The following ZNF608 variants were observed in gnomAD, a reference collection of about 807,000 sequenced individuals.
ZNF608 encodes the protein renal carcinoma antigen NY-REN-36.
ZNF608 carries 12 observed loss-of-function variants against 109.0 expected under a neutral mutation model. The observed-to-expected ratio is 0.11, with a 90% CI of 0.07 to 0.18. ZNF608 has a LOEUF of 0.18. Ranked by LOEUF, ZNF608 falls within the 10% of genes least tolerant of loss-of-function variation. The pLI is 1.00. For missense variants in ZNF608, 1,707 were observed against 1,879.3 expected (o/e 0.91, Z 1.70); for synonymous variants, 732 against 717.4 (o/e 1.02, Z -0.33).
chr5:124,661,969 C>G (rs775999232), intron 3 of ZNF608, among the ~76,000 whole-genome samples: 1 of 152,154 alleles, frequency 6.6e-6, no homozygotes, highest in Non-Finnish European at 1.5e-5. Context: ...GTAAACCAAC[C>G]CTCCCCATGG....
At chr5:124,715,062 C>T (rs191554803) in intron 2 of ZNF608, among the ~76,000 whole-genome samples, 35 of 152,240 alleles carry the variant, frequency 2.3e-4, no homozygotes, top group Middle Eastern at 3.4e-3. Flanking sequence ...CTTGCTTCAG[C>T]TATTTCATAG....
intron 4 of ZNF608, 84 bp from the exon 5 acceptor site, chr5:124,649,217 G>C (rs1750677706): frequency 8.8e-7 from 1 of 1,141,204 alleles, no homozygotes; most frequent in Non-Finnish European, 1.2e-6. Flanking sequence ...CAGTAAAGAG[G>C]AGTCAACACT....
At chr5:124,712,083 G>C (rs1753515271) in intron 2 of ZNF608, among the ~76,000 whole-genome samples, 1 of 152,218 alleles carries the variant, frequency 6.6e-6, no homozygotes, top group South Asian at 2.1e-4. Context: ...GGAGGCAGAG[G>C]TTGCAGTGAG....
Position 124,646,848 on chromosome 5 carries a change from T to C in ZNF608, c.3536A>G (p.Glu1179Gly). 1.2e-6 allele frequency: 2 copies of C among 1,614,254 alleles called. No homozygotes were observed. The highest frequency in any genetic ancestry group is 1.7e-6 in the Non-Finnish European group (2 of 1,180,046). ...GGAGAGAAGCTGCGATTTACCTGTC[T>C]CCTCAGTTTTATTAGGCACTGATGG... ...LGPSVPNKTE[E>G]TGKSQLLSNH... Residue 1179 changes from glutamate to glycine, a missense_variant, in exon 5 of 10, where the codon GAG (glutamate) becomes GGG (glycine). By Grantham distance (98) the Glu-to-Gly change is moderately conservative (BLOSUM62 -2). Transcript: ENST00000513986.
chr5:124,708,175 T>C (rs889977752), intron 2 of ZNF608, among the ~76,000 whole-genome samples: 1 of 152,204 alleles, frequency 6.6e-6, no homozygotes, highest in African/African-American at 2.4e-5. Context: ...AATAGTAACA[T>C]CAGCAGCTAC....
At chr5:124,664,098 C>T (rs1460052637) in intron 3 of ZNF608, among the ~76,000 whole-genome samples, 1 of 152,128 alleles carries the variant, frequency 6.6e-6, no homozygotes, top group African/African-American at 2.4e-5. Context: ...TTTTGTAAAG[C>T]ATTCAAAACA....
At chr5:124,639,090 A>T in intron 9 of ZNF608, 43 bp downstream of exon 9, 2 of 1,581,450 alleles carry the variant, frequency 1.3e-6, no homozygotes, top group South Asian at 1.1e-5. Flanking sequence ...AACCATTAAG[A>T]TATTTCTATC....
In ZNF608 at chr5:124,701,162, T is replaced by C. The variant is rs1225292350; in HGVS notation, c.1014A>G (p.Ala338=). ...YFSPSSSNIA[A]PVEQLLVRTR... ...TCCGAACCAAAAGCTGTTCAACCGG[T>C]GCTGCAATATTGGATGAAGATGGGG... The change falls in exon 3 of 10, where the codon GCA becomes GCG. Residue 338 remains alanine (A), a synonymous_variant. Coordinates refer to ENST00000513986, the MANE Select transcript of ZNF608 (RefSeq NM_020747.3). 1 of 1,613,940 alleles carries C rather than the reference T, an allele frequency of 6.2e-7. No homozygotes were observed. The highest frequency in any genetic ancestry group is 1.3e-5 in the African/African-American group (1 of 74,876).
At chr5:124,641,107 G>C (rs1750214439) in intron 8 of ZNF608, 145 bp downstream of exon 8, 1 of 964,080 alleles carries the variant, frequency 1.0e-6, no homozygotes, top group South Asian at 1.5e-5. Context: ...AGCCTTAGCT[G>C]TGTCACTAGA....
intron 3 of ZNF608, among the ~76,000 whole-genome samples, chr5:124,686,421 A>G (rs1486662635): frequency 6.6e-6 from 1 of 152,210 alleles, no homozygotes; most frequent in Non-Finnish European, 1.5e-5. Context: ...TTGAACTGAA[A>G]GTGACTCTCA....
At chr5:124,716,031 T>C (rs1753680891) in intron 2 of ZNF608, among the ~76,000 whole-genome samples, 1 of 149,624 alleles carries the variant, frequency 6.7e-6, no homozygotes, top group South Asian at 2.1e-4. Flanking sequence ...TAGTCCCAGC[T>C]ACTGGGGAGG....
At position 124,647,650 on chromosome 5, in the gene ZNF608, C is replaced by G; in HGVS notation, c.2734G>C (p.Gly912Arg). The G allele has an allele frequency of 1.2e-6, 2 of 1,614,212 alleles. No homozygotes were observed. The highest frequency in any genetic ancestry group is 1.7e-6 in the Non-Finnish European group (2 of 1,180,054). Reference sequence around the variant, plus strand: ...TGCAGAGGTGCCATTGGTGCCTGCCCGTTCACCAAAGTGCTGCATTCCAGC... The same window carrying G: ...TGCAGAGGTGCCATTGGTGCCTGCCGGTTCACCAAAGTGCTGCATTCCAGC... ...SRLECSTLVN[G>R]QAPMAPLHVL... Residue 912 changes from glycine to arginine, a missense_variant, in exon 5 of 10, where the codon GGG becomes CGG. Coordinates refer to ENST00000513986, the MANE Select transcript of ZNF608 (RefSeq NM_020747.3).
chr5:124,728,558 G>C (rs1040438588), intron 2 of ZNF608, among the ~76,000 whole-genome samples: 2 of 152,100 alleles, frequency 1.3e-5, no homozygotes, highest in African/African-American at 4.8e-5. Flanking sequence ...ATCCCAACAT[G>C]TCTGGCCTTC....
chr5:124,736,312 A>C (rs1424913877), intron 2 of ZNF608, among the ~76,000 whole-genome samples: 1 of 152,252 alleles, frequency 6.6e-6, no homozygotes, highest in Non-Finnish European at 1.5e-5. Flanking sequence ...TCCATGAAGA[A>C]TGAAAACCCA....
At chr5:124,682,665 A>G (rs1044990991) in intron 3 of ZNF608, among the ~76,000 whole-genome samples, 1 of 152,268 alleles carries the variant, frequency 6.6e-6, no homozygotes, top group African/African-American at 2.4e-5. Context: ...TAATTCTGGC[A>G]TGACAGTTGA....
Position 124,690,406 on chromosome 5 carries a change from A to G in ZNF608, c.1162+10608T>C, listed in dbSNP as rs539398497. Reference sequence around the variant, plus strand: ...GATGGTGTGTCAATTAGATTCACCAATTGTAACACATGTACCACTCTGGTG... The same window carrying G: ...GATGGTGTGTCAATTAGATTCACCAGTTGTAACACATGTACCACTCTGGTG... On this transcript the variant is annotated intron_variant, in intron 3 of 9. Coordinates refer to ENST00000513986, the MANE Select transcript of ZNF608 (RefSeq NM_020747.3). Among the ~76,000 whole-genome samples the G allele has an allele frequency of 1.1e-4, 17 of 152,338 alleles. 1 individual carries two copies. In the South Asian group the frequency reaches 3.5e-3, roughly 32 times the overall value.
chr5:124,690,471 C>T (rs76324136), intron 3 of ZNF608, among the ~76,000 whole-genome samples: 18,522 of 152,122 alleles, frequency 0.12, 1,405 homozygotes, highest in Non-Finnish European at 0.17. Flanking sequence ...TGTGTAGGGG[C>T]AAGGGATATA....
chr5:124,673,790 A>C (rs1751826299), intron 3 of ZNF608, among the ~76,000 whole-genome samples: 1 of 152,168 alleles, frequency 6.6e-6, no homozygotes, highest in African/African-American at 2.4e-5. Flanking sequence ...GCTTATCTCT[A>C]AATCGGCTGT....
Position 124,704,721 on chromosome 5 carries a change from G to T in ZNF608, c.907-3452C>A, listed in dbSNP as rs149309670. 9.3e-3 allele frequency among the ~76,000 whole-genome samples: 1,422 copies of T among 152,190 alleles called. 29 individuals carry two copies. The highest frequency in any genetic ancestry group is 0.032 in the African/African-American group (1,315 of 41,522). On this transcript the variant is annotated intron_variant, in intron 2 of 9. Coordinates refer to ENST00000513986, the MANE Select transcript of ZNF608 (RefSeq NM_020747.3). ...ACTGACAGAACTGAGCTTCACTGCA[G>T]CCTTGCCACGTGACTTGCCCAACCA...
Sources: allele counts gnomAD v4.1 joint callset (sites outside exome capture counted in the v4.1 genomes callset), GRCh38; gene constraint gnomAD v4.1.1; transcripts MANE v1.5; gene names NCBI Gene and HGNC (gene_info 2026-07-23, HGNC 2026-07-21).